Variants in GPRC6A observed in about 807,000 individuals in gnomAD.
GPRC6A encodes the protein G protein-coupled receptor class C group 6 member A.
A neutral mutation model predicts 47.0 loss-of-function variants in GPRC6A; 54 were observed. The ratio of observed to expected loss-of-function variants is 1.15; its 90% confidence interval spans 0.92 to 1.44. GPRC6A has a LOEUF of 1.44. Ranked by LOEUF, GPRC6A falls within the 40% of genes most tolerant of loss-of-function variation. The pLI is 0.00. For missense variants in GPRC6A, 1,112 were observed against 1,105.5 expected (o/e 1.01, Z -0.08); for synonymous variants, 347 against 377.1 (o/e 0.92, Z 0.93).
chr6:116,810,505 T>C (rs1225224094), intron 1 of GPRC6A, among the ~76,000 whole-genome samples: 1 of 152,032 alleles, frequency 6.6e-6, no homozygotes, highest in Non-Finnish European at 1.5e-5. Context: ...AATTTTGCAC[T>C]TGTTGCTTCT....
chr6:116,811,543 G>A (rs758449766), intron 1 of GPRC6A, among the ~76,000 whole-genome samples: 1 of 151,834 alleles, frequency 6.6e-6, no homozygotes, highest in Non-Finnish European at 1.5e-5. Flanking sequence ...TCCAGAAAAA[G>A]AATCCAAATT....
rs527575748 is a variant in GPRC6A at position 116,822,936 on chromosome 6, C to G, written c.194+5884G>C. On this transcript the variant is annotated intron_variant, in intron 1 of 5. Transcript: ENST00000310357. ...AAAGAAAGAAAGAAATCATTCTTCCCTCCTAGACCTCTGGGCCTGTGATGG... is the reference window on the plus strand; with the variant it reads ...AAAGAAAGAAAGAAATCATTCTTCCGTCCTAGACCTCTGGGCCTGTGATGG... 2.2e-3 allele frequency among the ~76,000 whole-genome samples: 326 copies of G among 151,490 alleles called. 4 individuals are homozygous for G. The highest frequency in any genetic ancestry group is 7.5e-3 in the African/African-American group (312 of 41,360).
intron 1 of GPRC6A, among the ~76,000 whole-genome samples, chr6:116,814,565 G>A (rs1773141140): frequency 2.0e-5 from 3 of 152,094 alleles, no homozygotes; most frequent in African/African-American, 7.2e-5. Context: ...AGATCACTTG[G>A]ACACAGGGCA....
At chr6:116,800,859 T>C in intron 3 of GPRC6A, 63 bp from the exon 4 acceptor site, 2 of 931,224 alleles carry the variant, frequency 2.1e-6, no homozygotes, top group Non-Finnish European at 3.4e-6. Context: ...TCCATTATTC[T>C]AATGATAACA....
chr6:116,793,401 T>A, intron 5 of GPRC6A, 151 bp from the exon 6 acceptor site: 4 of 491,924 alleles, frequency 8.1e-6, no homozygotes, highest in South Asian at 6.1e-5. Context: ...AAATAAAACA[T>A]GCTAAAACTC....
intron 1 of GPRC6A, among the ~76,000 whole-genome samples, chr6:116,814,417 T>G (rs933933197): frequency 6.6e-6 from 1 of 152,164 alleles, no homozygotes; most frequent in Non-Finnish European, 1.5e-5. Context: ...TGGAGTACTA[T>G]GCAGCCATAA....
chr6:116,827,072 A>G (rs2114629630), intron 1 of GPRC6A, among the ~76,000 whole-genome samples: 1 of 151,946 alleles, frequency 6.6e-6, no homozygotes, highest in Non-Finnish European at 1.5e-5. Flanking sequence ...AGGAGAGGGA[A>G]TAAAGAGAGG....
chr6:116,828,765 G>A (rs964271472), intron 1 of GPRC6A, 55 bp downstream of exon 1: 18 of 1,448,562 alleles, frequency 1.2e-5, no homozygotes, highest in Middle Eastern at 1.8e-4. Flanking sequence ...CAGTTTATAT[G>A]TCCTAGTCTC....
chr6:116,797,813 C>T (rs865836298), intron 4 of GPRC6A, among the ~76,000 whole-genome samples: 3 of 152,052 alleles, frequency 2.0e-5, no homozygotes, highest in Non-Finnish European at 2.9e-5. Flanking sequence ...GTGCTGGGTT[C>T]GTAATGTAGT....
At chr6:116,815,808 A>G (rs566638327) in intron 1 of GPRC6A, among the ~76,000 whole-genome samples, 5 of 152,364 alleles carry the variant, frequency 3.3e-5, no homozygotes, top group African/African-American at 1.2e-4. Flanking sequence ...AAAAAATCTT[A>G]TTAAAAGAAA....
chr6:116,804,520 C>T (rs1337598593), intron 3 of GPRC6A, among the ~76,000 whole-genome samples: 1 of 152,014 alleles, frequency 6.6e-6, no homozygotes. Context: ...GTTTGTCTTA[C>T]TGACTCTAGC....
Position 116,792,143 on chromosome 6 carries a change from C to A in GPRC6A, c.2780G>T (p.Ter927LeuextTer11). 1.1e-5 allele frequency: 17 copies of A among 1,609,880 alleles called. No individual in the cohort carries two copies. Among genetic ancestry groups the A allele is most frequent in the Non-Finnish European group, 1.3e-5 (15 of 1,177,684 alleles). The change falls in exon 6 of 6, where the codon TGA (stop) becomes TTA (leucine). Residue 927 changes from the stop codon to leucine, a stop_lost. Transcript: ENST00000310357. ...TLPRKRMSSI[*>L] The stretch of plus-strand genomic sequence containing the variant: ...AATGTGGCATCTCCTAAGGCTTATT[C>A]ATATACTTGACATTCTTTTTCGAGG...
intron 3 of GPRC6A, 51 bp downstream of exon 3, chr6:116,806,319 A>G: frequency 8.8e-7 from 1 of 1,142,666 alleles, no homozygotes; most frequent in Non-Finnish European, 1.3e-6. Context: ...CAAGGGAGGA[A>G]ATGGGGAAAA....
At chr6:116,807,712 T>C (rs974409086) in intron 2 of GPRC6A, among the ~76,000 whole-genome samples, 2 of 152,198 alleles carry the variant, frequency 1.3e-5, no homozygotes, top group African/African-American at 4.8e-5. Context: ...TTTTTGGTCA[T>C]ATATAGTCTC....
intron 2 of GPRC6A, among the ~76,000 whole-genome samples, chr6:116,808,819 C>G (rs1323263388): frequency 6.6e-6 from 1 of 151,714 alleles, no homozygotes; most frequent in Non-Finnish European, 1.5e-5. Context: ...GTACACAGTG[C>G]TGTGATATCT....
intron 4 of GPRC6A, among the ~76,000 whole-genome samples, chr6:116,798,482 G>A (rs1381985299): frequency 6.6e-6 from 1 of 152,108 alleles, no homozygotes; most frequent in African/African-American, 2.4e-5. Flanking sequence ...GGTAGGTTGT[G>A]TAGAATTTTT....
chr6:116,828,981 A>T lies in GPRC6A; in HGVS notation c.33T>A (p.Phe11Leu). The change falls in exon 1 of 6, where the codon TTT becomes TTA. Residue 11 changes from phenylalanine (F) to leucine (L), a missense_variant. Physicochemically the swap from Phe to Leu is conservative, Grantham distance 22. Coordinates refer to ENST00000310357, the MANE Select transcript of GPRC6A (RefSeq NM_148963.4). ...GCTGTGAAGTAGCAAGAATAATCAC[A>T]AAGCAGGTAATTAGTATAATTAAGA... is the stretch of plus-strand genomic sequence containing the variant. Reference protein sequence around the residue: MAFLIILITCFVIILATSQPC... With the variant: MAFLIILITCLVIILATSQPC... 6.2e-7 allele frequency: 1 copy of T among 1,613,008 alleles called. No homozygotes were observed. Among genetic ancestry groups the T allele is most frequent in the East Asian group, 2.2e-5 (1 of 44,866 alleles).
At chr6:116,808,399 C>T (rs895376765) in intron 2 of GPRC6A, among the ~76,000 whole-genome samples, 2 of 152,086 alleles carry the variant, frequency 1.3e-5, no homozygotes, top group Non-Finnish European at 2.9e-5. Context: ...TAGTATCATA[C>T]ATAGTCTAGA....
chr6:116,820,008 A>G (rs936875654), intron 1 of GPRC6A, among the ~76,000 whole-genome samples: 1 of 150,912 alleles, frequency 6.6e-6, no homozygotes, highest in Non-Finnish European at 1.5e-5. Context: ...TAGATGCAAT[A>G]AAAAATGATA....
Sources: allele counts gnomAD v4.1 joint callset (sites outside exome capture counted in the v4.1 genomes callset), GRCh38; gene constraint gnomAD v4.1.1; transcripts MANE v1.5; gene names NCBI Gene and HGNC (gene_info 2026-07-23, HGNC 2026-07-21).